Variants in FYTTD1 observed in about 807,000 individuals in gnomAD.
FYTTD1 encodes the protein forty-two-three domain containing 1.
FYTTD1 carries 22 observed loss-of-function variants against 40.9 expected under a neutral mutation model. The observed-to-expected ratio is 0.54, with a 90% CI of 0.38 to 0.77. FYTTD1 has a LOEUF of 0.77. FYTTD1 is among the 30% of genes least tolerant of loss of function. The pLI, the probability that FYTTD1 is intolerant of heterozygous loss-of-function variation, is 0.00. For missense variants in FYTTD1, 351 were observed against 392.2 expected (o/e 0.90, Z 0.89); for synonymous variants, 140 against 137.9 (o/e 1.01, Z -0.10).
chr3:197,786,146 A>T lies in FYTTD1; in HGVS notation c.*4237A>T. ...TTTTCTTTTTTTGAGATGGAGTTTC[A>T]CTCTTGTTGCCCAGGTTGGAGTGCA... On this transcript the variant is annotated 3_prime_UTR_variant, in exon 9 of 9. Coordinates refer to ENST00000241502, the MANE Select transcript of FYTTD1 (RefSeq NM_032288.7). The T allele has an allele frequency of 8.3e-6, 1 of 120,330 alleles. No homozygotes were observed. The highest frequency in any genetic ancestry group is 1.7e-5 in the Non-Finnish European group (1 of 59,140). The allele number at this position is 120,330 out of a possible 1,614,324, so 7.5% of individuals were successfully genotyped here. A position where few individuals can be genotyped will look rare whatever the true frequency, so the allele number is the denominator to read the frequency against.
chr3:197,768,797 G>A (rs1344658472), intron 3 of FYTTD1, among the ~76,000 whole-genome samples: 1 of 152,062 alleles, frequency 6.6e-6, no homozygotes, highest in African/African-American at 2.4e-5. Context: ...TTGTTTGTTT[G>A]TTTTTGTTTT....
rs111725145 is a variant in FYTTD1, at chr3:197,766,430, GGTGT to G, written c.236-1982_236-1979del. 5.7e-4 allele frequency among the ~76,000 whole-genome samples: 77 copies of G among 135,068 alleles called. 1 individual carries two copies. Among genetic ancestry groups the G allele is most frequent in the African/African-American group, 1.7e-3 (64 of 37,000 alleles). The allele number at this position is 135,068 out of a possible 152,430, so 88.6% of individuals were successfully genotyped here. ...ATAGGTGTGTGTCGTGTTTGAGACT[GGTGT>G]GTGTGTGTGTGTGTGTGTGTGTGTG... On this transcript the variant is annotated intron_variant, in intron 2 of 8. Coordinates refer to ENST00000241502, the MANE Select transcript of FYTTD1 (RefSeq NM_032288.7).
chr3:197,781,312 T>TAA (rs879641781), intron 8 of FYTTD1, among the ~76,000 whole-genome samples: 5 of 135,184 alleles, frequency 3.7e-5, no homozygotes, highest in Non-Finnish European at 3.2e-5. Context: ...ACTGTCTCAA[T>TAA]AAAAAAAAAA....
chr3:197,768,592 G>A lies in FYTTD1; in HGVS notation c.384+5G>A, dbSNP rs1729620023. ...CGTCCACCTCTAAGTGACAAGGTAG[G>A]ATGATGGCTTAATCCTGGATTAGAT... On this transcript the variant is annotated splice_donor_5th_base_variant and intron_variant, in intron 3 of 8. Coordinates refer to ENST00000241502, the MANE Select transcript of FYTTD1 (RefSeq NM_032288.7). The A allele has an allele frequency of 6.2e-7, 1 of 1,610,034 alleles. No individual in the cohort carries two copies.
intron 2 of FYTTD1, among the ~76,000 whole-genome samples, chr3:197,761,172 G>T (rs1274752229): frequency 1.3e-5 from 2 of 149,888 alleles, no homozygotes; most frequent in Non-Finnish European, 3.0e-5. Context: ...GATGTATAGA[G>T]TTGTTTCTCA....
intron 1 of FYTTD1, among the ~76,000 whole-genome samples, chr3:197,754,983 G>T (rs956318091): frequency 3.3e-5 from 5 of 152,100 alleles, no homozygotes; most frequent in African/African-American, 1.2e-4. Context: ...AGTATTTTTG[G>T]CTTCTAGTAA....
chr3:197,776,804 G>A, intron 6 of FYTTD1, 123 bp from the exon 7 acceptor site: 1 of 628,152 alleles, frequency 1.6e-6, no homozygotes, highest in Non-Finnish European at 2.8e-6. Flanking sequence ...TGGGGTTCAG[G>A]TACTTATTTC....
chr3:197,749,704 C>A, upstream of FYTTD1: 11 of 634,022 alleles, frequency 1.7e-5, no homozygotes, highest in South Asian at 1.7e-4. Context: ...CTGCTCACAA[C>A]GGCGGTCCTC....
chr3:197,749,864 G>T (rs1163199207), upstream of FYTTD1: 6 of 665,822 alleles, frequency 9.0e-6, no homozygotes, highest in South Asian at 5.8e-5. Context: ...GGACGGCGCC[G>T]GCGCGTGCGC....
chr3:197,774,771 A>G (rs6583258), intron 6 of FYTTD1, among the ~76,000 whole-genome samples: 98,227 of 137,252 alleles, frequency 0.72, 37,019 homozygotes, highest in East Asian at 0.97. Flanking sequence ...GCATAGCTCG[A>G]TGGCCAGTGC....
intron 1 of FYTTD1, chr3:197,750,720 A>G (rs1006524853): frequency 3.2e-5 from 32 of 985,350 alleles, no homozygotes; most frequent in African/African-American, 1.7e-4. Context: ...AGCGCTGCCT[A>G]GAAAAGCACA....
upstream of FYTTD1, chr3:197,749,620 G>A (rs1376722793): frequency 5.7e-6 from 6 of 1,048,718 alleles, no homozygotes; most frequent in African/African-American, 6.5e-5. Flanking sequence ...GGACACGGAG[G>A]ATTATATCAC....
chr3:197,750,617 C>T, intron 1 of FYTTD1: 1 of 985,182 alleles, frequency 1.0e-6, no homozygotes, highest in Non-Finnish European at 1.2e-6. Context: ...GGCTGCCGGG[C>T]GCGACTCTCG....
At chr3:197,776,032 T>C (rs7623871) in intron 6 of FYTTD1, among the ~76,000 whole-genome samples, 6,134 of 152,156 alleles carry the variant, frequency 0.04, 180 homozygotes, top group Non-Finnish European at 0.063. Flanking sequence ...GGCACTATTA[T>C]CCTTTCACAT....
chr3:197,755,116 A>C (rs560376538), intron 1 of FYTTD1, among the ~76,000 whole-genome samples: 1 of 152,316 alleles, frequency 6.6e-6, no homozygotes, highest in South Asian at 2.1e-4. Context: ...GTTTGGAAGT[A>C]ATGAGGCTTA....
chr3:197,757,635 C>T (rs572379786), intron 2 of FYTTD1, among the ~76,000 whole-genome samples: 3 of 152,226 alleles, frequency 2.0e-5, no homozygotes, highest in East Asian at 1.9e-4. Context: ...ATTAGCCAGG[C>T]GTGGTGGTAC....
At chr3:197,774,643 A>C (rs1000613856) in intron 6 of FYTTD1, among the ~76,000 whole-genome samples, 2 of 150,344 alleles carry the variant, frequency 1.3e-5, no homozygotes, top group African/African-American at 2.5e-5. Flanking sequence ...AGTGCACACC[A>C]TCCTGAGCAG....
In FYTTD1 at chr3:197,772,906, G is replaced by A. The variant is rs568130022; in HGVS notation, c.498-497G>A. Among the ~76,000 whole-genome samples, 7 of 152,294 alleles carry A rather than the reference G, an allele frequency of 4.6e-5. No individual in the cohort carries two copies. The South Asian group carries it at 1.2e-3, about 27-fold the overall frequency. On this transcript the variant is annotated intron_variant, in intron 4 of 8. Transcript: ENST00000241502. ...TTACAGGTGTGAGCCATAATGCCTGGCCTCTATGGTTTATGTTAATACATA... is the reference window on the plus strand; with the variant it reads ...TTACAGGTGTGAGCCATAATGCCTGACCTCTATGGTTTATGTTAATACATA...
intron 1 of FYTTD1, 38 bp from the exon 2 acceptor site, chr3:197,756,386 TAA>T: frequency 6.8e-7 from 1 of 1,480,730 alleles, no homozygotes. Context: ...GTAATTGAGT[TAA>T]GTTAAAATGA....
Sources: allele counts gnomAD v4.1 joint callset (sites outside exome capture counted in the v4.1 genomes callset), GRCh38; gene constraint gnomAD v4.1.1; transcripts MANE v1.5; gene names NCBI Gene and HGNC (gene_info 2026-07-23, HGNC 2026-07-21).